The following ATG10 variants were observed in gnomAD, a reference collection of about 807,000 sequenced individuals.
ATG10 encodes the protein autophagy related 10.
In ATG10, 30 loss-of-function variants were observed where a neutral mutation model predicts 32.1. The observed-to-expected ratio is 0.94, with a 90% confidence interval of 0.70 to 1.27. The LOEUF (loss-of-function observed/expected upper bound fraction) is 1.27, where lower values mean the gene tolerates loss of function less well. Ranked by LOEUF, ATG10 falls within the 50% of genes most tolerant of loss-of-function variation. The pLI, the probability that ATG10 is intolerant of heterozygous loss-of-function variation, is 0.00. For missense variants in ATG10, 233 were observed against 262.3 expected, an observed-to-expected ratio of 0.89 and a Z score of 0.77; for synonymous variants, 87 against 91.5, an observed-to-expected ratio of 0.95 and a Z score of 0.28.
At chr5:82,075,169 G>A (rs1003554731) in intron 3 of ATG10, among the ~76,000 whole-genome samples, 2 of 152,130 alleles carry the variant, frequency 1.3e-5, no homozygotes, top group Non-Finnish European at 2.9e-5. Flanking sequence ...CTCTCTCTTC[G>A]TTACAGAAAG....
Position 82,033,522 on chromosome 5 carries a change from G to T in ATG10, c.109-24973G>T, listed in dbSNP as rs73768614. Among the ~76,000 whole-genome samples the T allele has an allele frequency of 1.6e-3, 236 of 152,058 alleles. 1 individual carries two copies. The highest frequency in any genetic ancestry group is 5.4e-3 in the African/African-American group (223 of 41,462). On this transcript the variant is annotated intron_variant, in intron 2 of 7. Transcript: ENST00000282185. Reference sequence around the variant, plus strand: ...CTGGCTATATTGCTCCCTTCTTGAAGCACCCTTCGCTTGGCATCTGGGATG... The same window carrying T: ...CTGGCTATATTGCTCCCTTCTTGAATCACCCTTCGCTTGGCATCTGGGATG...
At chr5:82,235,675 T>C (rs999773582) in intron 5 of ATG10, among the ~76,000 whole-genome samples, 3 of 152,194 alleles carry the variant, frequency 2.0e-5, no homozygotes, top group Admixed American at 1.3e-4. Flanking sequence ...AAATTGACAG[T>C]ATCCTCTACT....
At chr5:82,083,714 G>T (rs1048508711) in intron 3 of ATG10, among the ~76,000 whole-genome samples, 3 of 152,196 alleles carry the variant, frequency 2.0e-5, no homozygotes, top group African/African-American at 7.2e-5. Flanking sequence ...GGCCAACAGG[G>T]TCTGGAGTGG....
rs185304416 is a variant in ATG10 at position 82,239,035 on chromosome 5, T to C, written c.454-13527T>C. 3.5e-3 allele frequency among the ~76,000 whole-genome samples: 540 copies of C among 152,326 alleles called. 1 individual carries two copies. Among genetic ancestry groups the C allele is most frequent in the Non-Finnish European group, 6.4e-3 (433 of 68,024 alleles). On this transcript the variant is annotated intron_variant, in intron 5 of 7. Coordinates refer to ENST00000282185, the MANE Select transcript of ATG10 (RefSeq NM_031482.5). ...ACATAATTTTTTAAAGTAAATTACA[T>C]GTAGAGGGTTATCCTAACCATCTCC...
At chr5:82,052,840 A>G (rs1392557304) in intron 2 of ATG10, among the ~76,000 whole-genome samples, 1 of 152,182 alleles carries the variant, frequency 6.6e-6, no homozygotes, top group Non-Finnish European at 1.5e-5. Flanking sequence ...GTTACATACT[A>G]TCCCATTATT....
chr5:82,030,289 A>C (rs1193902605), intron 2 of ATG10, among the ~76,000 whole-genome samples: 1 of 152,140 alleles, frequency 6.6e-6, no homozygotes, highest in Non-Finnish European at 1.5e-5. Flanking sequence ...TGTGCTTAAG[A>C]ATATGGTAGC....
intron 2 of ATG10, among the ~76,000 whole-genome samples, chr5:82,037,082 G>C (rs1324486636): frequency 9.0e-6 from 1 of 111,592 alleles, no homozygotes; most frequent in Non-Finnish European, 1.7e-5. Context: ...AGTGAGCCGA[G>C]ATCATGTCAC....
intron 3 of ATG10, among the ~76,000 whole-genome samples, chr5:82,137,783 C>T (rs572153997): frequency 6.6e-6 from 1 of 152,250 alleles, no homozygotes; most frequent in African/African-American, 2.4e-5. Flanking sequence ...AGCTGACAGG[C>T]AGGAACGTTT....
chr5:82,053,569 GT>G (rs1310590145), intron 2 of ATG10, among the ~76,000 whole-genome samples: 1 of 151,950 alleles, frequency 6.6e-6, no homozygotes, highest in Admixed American at 6.6e-5. Flanking sequence ...CATATTTGGG[GT>G]TTTTTTCTCA....
At chr5:82,200,478 T>TC (rs1408136141) in intron 5 of ATG10, among the ~76,000 whole-genome samples, 2 of 130,400 alleles carry the variant, frequency 1.5e-5, no homozygotes, top group Admixed American at 7.7e-5. Flanking sequence ...TTTTTTTTTT[T>TC]TTTTTTTTTT....
chr5:82,020,742 A>T (rs1297010900), intron 2 of ATG10, among the ~76,000 whole-genome samples: 1 of 152,092 alleles, frequency 6.6e-6, no homozygotes, highest in East Asian at 1.9e-4. Context: ...AAGTAGAAAT[A>T]CTCAAGTACT....
At chr5:82,197,772 A>C (rs1050500611) in intron 5 of ATG10, among the ~76,000 whole-genome samples, 2 of 144,458 alleles carry the variant, frequency 1.4e-5, no homozygotes, top group African/African-American at 5.2e-5. Context: ...CTATCTATCT[A>C]TCTCTATAGA....
chr5:82,074,894 C>T (rs1026622751), intron 3 of ATG10, among the ~76,000 whole-genome samples: 15 of 152,244 alleles, frequency 9.9e-5, no homozygotes, highest in African/African-American at 3.1e-4. Context: ...TGCCAGAAAG[C>T]TCATTGTAAA....
At chr5:82,139,710 TG>T (rs1377445803) in intron 3 of ATG10, among the ~76,000 whole-genome samples, 32 of 116,934 alleles carry the variant, frequency 2.7e-4, no homozygotes, top group Middle Eastern at 5.2e-3. Context: ...GGGAGGGAGG[TG>T]GGGGGGGGTC....
chr5:82,152,264 C>T (rs1345127239), intron 3 of ATG10, among the ~76,000 whole-genome samples: 1 of 152,160 alleles, frequency 6.6e-6, no homozygotes, highest in African/African-American at 2.4e-5. Flanking sequence ...TCTTTAGAGT[C>T]TACTTTGAAT....
intron 5 of ATG10, among the ~76,000 whole-genome samples, chr5:82,215,811 G>T (rs944400615): frequency 1.2e-4 from 18 of 151,810 alleles, no homozygotes; most frequent in South Asian, 2.1e-4. Context: ...GGTGGCAGGC[G>T]CCTATAATCC....
At chr5:82,181,635 A>G (rs1478936022) in intron 5 of ATG10, among the ~76,000 whole-genome samples, 1 of 152,106 alleles carries the variant, frequency 6.6e-6, no homozygotes, top group Non-Finnish European at 1.5e-5. Flanking sequence ...GCAGAATTAT[A>G]CTAAAGAATC....
Position 82,086,652 on chromosome 5 carries a change from G to C in ATG10, c.216+28050G>C, listed in dbSNP as rs34221001. ...GCAGCTGAAGGGCTTCTTATAACCT[G>C]TCCTTGGAAATCATGCATTCTCTTG... On this transcript the variant is annotated intron_variant, in intron 3 of 7. Coordinates refer to ENST00000282185, the MANE Select transcript of ATG10 (RefSeq NM_031482.5). Among the ~76,000 whole-genome samples, 675 of 152,218 alleles carry C rather than the reference G, an allele frequency of 4.4e-3. 1 individual carries two copies. The highest frequency in any genetic ancestry group is 0.01 in the Middle Eastern group (3 of 294).
Position 82,058,559 on chromosome 5 carries a change from A to T in ATG10, c.173A>T (p.His58Leu), listed in dbSNP as rs775956594. The stretch of plus-strand genomic sequence containing the variant: ...ATTAAGAATGGGTCTGTGATGTCAC[A>T]TCTAGGAGCATCTACCCATGGACAG... ...FQIKNGSVMS[H>L]LGASTHGQTC... The change falls in exon 3 of 8, where the codon CAT becomes CTT. Residue 58 changes from histidine (H) to leucine (L), a missense_variant. Physicochemically the swap from His to Leu is moderately conservative, Grantham distance 99. Transcript: ENST00000282185. The T allele has an allele frequency of 2.8e-5, 45 of 1,613,150 alleles. No homozygotes were observed. Among genetic ancestry groups the T allele is most frequent in the Non-Finnish European group, 3.7e-5 (44 of 1,179,364 alleles).
Sources: allele counts gnomAD v4.1 joint callset (sites outside exome capture counted in the v4.1 genomes callset), GRCh38; gene constraint gnomAD v4.1.1; transcripts MANE v1.5; gene names NCBI Gene and HGNC (gene_info 2026-07-23, HGNC 2026-07-21).